FKBP5: variants seen among roughly 807,000 people sequenced by gnomAD.
FKBP5 encodes peptidyl-prolyl cis-trans isomerase FKBP5.
A neutral mutation model predicts 50.5 loss-of-function variants in FKBP5; 23 were observed. The ratio of observed to expected loss-of-function variants is 0.46; its 90% CI spans 0.33 to 0.65. The LOEUF is 0.65. Among genes scored for constraint, FKBP5 ranks in the 30% least tolerant of loss-of-function variants. FKBP5 has a pLI of 0.02. For missense variants in FKBP5, 411 were observed against 553.1 expected, an observed-to-expected ratio of 0.74 and a Z score of 2.58; for synonymous variants, 176 against 190.6, an observed-to-expected ratio of 0.92 and a Z score of 0.63.
intron 8 of FKBP5, chr6:35,581,303 T>TG (rs1338934009): frequency 2.3e-6 from 1 of 430,470 alleles, no homozygotes; most frequent in African/African-American, 2.2e-5. Context: ...TATATATACA[T>TG]GCTCATATGA....
intron 1 of FKBP5, among the ~76,000 whole-genome samples, chr6:35,685,053 C>A (rs1765784106): frequency 6.6e-6 from 1 of 150,954 alleles, no homozygotes; most frequent in Non-Finnish European, 1.5e-5. Context: ...AAAGCAAGAC[C>A]CCGACTCAAA....
At chr6:35,691,535 C>G (rs891488209), upstream of FKBP5, among the ~76,000 whole-genome samples, 1 of 152,146 alleles carries the variant, frequency 6.6e-6, no homozygotes, top group East Asian at 1.9e-4. Context: ...TTGTAATACA[C>G]CGCAGCAACA....
Position 35,719,112 on chromosome 6 carries a change from G to A in FKBP5, c.-20+1216C>T, listed in dbSNP as rs533494385. On this transcript the variant is annotated intron_variant, in intron 2 of 11. Transcript: ENST00000536438. ...CCTCTGGTCCCAACCCTGAGGGGTT[G>A]GGCTGGGTCTGAAACCTCCTGTTTC... Among the ~76,000 whole-genome samples the A allele has an allele frequency of 7.2e-5, 11 of 152,274 alleles. No individual in the cohort carries two copies. In the South Asian group the frequency reaches 2.3e-3, roughly 32 times the overall value.
At position 35,619,133 on chromosome 6, in the gene FKBP5, C is replaced by T. The variant is rs1304212057; in HGVS notation, c.471G>A (p.Glu157=). Residue 157 remains glutamate, a synonymous_variant, in exon 5 of 11, where the codon GAG becomes GAA. Transcript: ENST00000357266. ...GIIRRTKRKG[E]GYSNPNEGAT... is the part of the protein sequence containing the mutation. ...CTCCTTCGTTTGGATTTGAATATCCCTCTCCTTTCCGTTTGGTTCTCCGGA... is the reference window on the plus strand; with the variant it reads ...CTCCTTCGTTTGGATTTGAATATCCTTCTCCTTTCCGTTTGGTTCTCCGGA... 2.5e-6 allele frequency: 4 copies of T among 1,613,654 alleles called. No homozygotes were observed. Among genetic ancestry groups the T allele is most frequent in the Non-Finnish European group, 3.4e-6 (4 of 1,179,770 alleles).
chr6:35,657,076 G>A (rs1019674152), intron 1 of FKBP5, among the ~76,000 whole-genome samples: 1 of 149,578 alleles, frequency 6.7e-6, no homozygotes, highest in Non-Finnish European at 1.5e-5. Context: ...CTAGCCGGGA[G>A]TGGTGGCGGG....
At chr6:35,698,028 C>T (rs182398694) in intron 2 of FKBP5, among the ~76,000 whole-genome samples, 63 of 152,316 alleles carry the variant, frequency 4.1e-4, no homozygotes, top group Non-Finnish European at 7.3e-5. Flanking sequence ...CTATAAAATA[C>T]TTGAGACTAG....
intron 1 of FKBP5, among the ~76,000 whole-genome samples, chr6:35,726,060 T>C (rs867596675): frequency 9.2e-5 from 14 of 152,152 alleles, no homozygotes; most frequent in African/African-American, 2.9e-4. Flanking sequence ...TGGGGGAATG[T>C]AGGGTGCAGA....
rs754465981 is a variant in FKBP5, at chr6:35,586,941, T to C, written c.840+93A>G. 4.4e-6 allele frequency: 7 copies of C among 1,588,090 alleles called. No homozygotes were observed. In the South Asian group the frequency reaches 4.5e-5, roughly 10 times the overall value. On this transcript the variant is annotated intron_variant, in intron 8 of 10. Coordinates refer to ENST00000357266, the MANE Select transcript of FKBP5 (RefSeq NM_004117.4). ...TGCAGCTTATTCTTACCAAGCAGTG[T>C]TGACAAAATTCAGAGTAGGGAATAT...
chr6:35,589,130 T>TTTTATATATATATATATATATA (rs1762733332), intron 7 of FKBP5, among the ~76,000 whole-genome samples: 3 of 112,964 alleles, frequency 2.7e-5, no homozygotes, highest in Non-Finnish European at 5.5e-5. Context: ...ATATATATAT[T>TTTTATATATATATATATATATA]TTTTTTTTTT....
intron 8 of FKBP5, chr6:35,583,528 T>C: frequency 1.0e-6 from 1 of 985,432 alleles, no homozygotes; most frequent in Non-Finnish European, 1.2e-6. Context: ...AAGTCTGTCT[T>C]GTACTCCCTG....
At chr6:35,680,762 G>A (rs1328491965) in intron 1 of FKBP5, among the ~76,000 whole-genome samples, 6 of 152,168 alleles carry the variant, frequency 3.9e-5, no homozygotes, top group Non-Finnish European at 7.3e-5. Flanking sequence ...CTCTTCTTTG[G>A]CTAAGTTCTA....
chr6:35,635,998 T>C (rs1268820568), intron 3 of FKBP5, among the ~76,000 whole-genome samples: 7 of 152,254 alleles, frequency 4.6e-5, no homozygotes, highest in East Asian at 1.9e-4. Flanking sequence ...AAACTGAAAG[T>C]GTATCAGTGA....
intron 1 of FKBP5, among the ~76,000 whole-genome samples, chr6:35,723,644 C>T (rs1326688842): frequency 6.6e-6 from 1 of 152,208 alleles, no homozygotes; most frequent in African/African-American, 2.4e-5. Context: ...GAAGAATGAA[C>T]TCAGAGAAAG....
chr6:35,597,440 C>G (rs760581286), intron 5 of FKBP5, 36 bp from the exon 6 acceptor site: 1 of 1,592,634 alleles, frequency 6.3e-7, no homozygotes, highest in Non-Finnish European at 8.5e-7. Context: ...AACAGAGCTG[C>G]TTCTTAGGAC....
chr6:35,581,777 C>T, intron 8 of FKBP5: 1 of 985,440 alleles, frequency 1.0e-6, no homozygotes, highest in Non-Finnish European at 1.2e-6. Context: ...TACATCCTGC[C>T]AGATGGCAGA....
At chr6:35,642,591 C>A (rs1764522743) in intron 2 of FKBP5, 129 bp downstream of exon 2, 2 of 596,226 alleles carry the variant, frequency 3.4e-6, no homozygotes, top group African/African-American at 3.8e-5. Context: ...AAATGAGAAT[C>A]TAGCTCTAGT....
intron 1 of FKBP5, among the ~76,000 whole-genome samples, chr6:35,681,326 C>T (rs755519360): frequency 6.6e-6 from 1 of 152,102 alleles, no homozygotes; most frequent in Admixed American, 6.6e-5. Flanking sequence ...TACATGAAAA[C>T]GAAGTTACCC....
chr6:35,581,915 T>A, intron 8 of FKBP5: 1 of 985,528 alleles, frequency 1.0e-6, no homozygotes, highest in Middle Eastern at 5.2e-4. Flanking sequence ...TCCCCACAAA[T>A]ACTCCAACCC....
Position 35,666,545 on chromosome 6 carries a change from G to GA in FKBP5, c.-20+22258dup, listed in dbSNP as rs200729508. 4.3e-3 allele frequency among the ~76,000 whole-genome samples: 651 copies of GA among 151,952 alleles called. 4 individuals are homozygous for GA. Among genetic ancestry groups the GA allele is most frequent in the Non-Finnish European group, 7.8e-3 (533 of 67,962 alleles). On this transcript the variant is annotated intron_variant, in intron 1 of 10. Transcript: ENST00000357266. Reference sequence around the variant, plus strand: ...GAAAGTTTAAGAATGCCATGAAGGGGAAAAAAAGCTATTTATAGAACAGAA... The same window carrying GA: ...GAAAGTTTAAGAATGCCATGAAGGGGAAAAAAAAGCTATTTATAGAACAGAA...
Sources: gnomAD v4.1 joint callset for allele counts (sites outside exome capture counted in the v4.1 genomes callset) on GRCh38, gnomAD v4.1.1 for gene constraint, MANE v1.5 for transcripts, NCBI Gene and HGNC (gene_info 2026-07-23, HGNC 2026-07-21) for gene names.